The following APTX variants were observed in gnomAD, a reference collection of about 807,000 sequenced individuals.
APTX encodes forkhead-associated domain histidine triad-like protein.
A neutral mutation model predicts 42.3 loss-of-function variants in APTX; 33 were observed. The observed-to-expected ratio is 0.78, with a 90% CI of 0.59 to 1.04. The LOEUF (loss-of-function observed/expected upper bound fraction) is 1.04, where lower values mean the gene tolerates loss of function less well. Ranked by LOEUF, APTX falls within the 50% of genes least tolerant of loss-of-function variation. APTX has a pLI of 0.00. For synonymous variants in APTX, 130 were observed against 146.7 expected, an observed-to-expected ratio of 0.89 and a Z score of 0.82; for missense variants, 421 against 415.1, an observed-to-expected ratio of 1.01 and a Z score of -0.12.
chr9:33,009,972 C>T (rs1323429820), intron 1 of APTX, among the ~76,000 whole-genome samples: 3 of 152,166 alleles, frequency 2.0e-5, no homozygotes, highest in African/African-American at 7.2e-5. Flanking sequence ...ACTCTCTCCT[C>T]GCCTATTTGC....
rs1438391680 is a variant in APTX at position 33,001,574 on chromosome 9, A to G, written c.-12T>C. The G allele has an allele frequency of 1.9e-6, 3 of 1,613,864 alleles. No individual in the cohort carries two copies. The highest frequency in any genetic ancestry group is 2.2e-5 in the East Asian group (1 of 44,894). Reference sequence around the variant, plus strand: ...GGCTGACGACCGCCTTACCTCCAGAAGTCGGAGACGGACAAATTCACGTTA... The same window carrying G: ...GGCTGACGACCGCCTTACCTCCAGAGGTCGGAGACGGACAAATTCACGTTA... On this transcript the variant is annotated 5_prime_UTR_variant, in exon 1 of 8. Transcript: ENST00000379817.
intron 4 of APTX, 134 bp from the exon 5 acceptor site, chr9:32,986,164 T>G (rs1832072376): frequency 6.8e-6 from 6 of 879,786 alleles, no homozygotes; most frequent in Non-Finnish European, 9.5e-6. Flanking sequence ...GCTTAGTTTT[T>G]GAGAATTAAA....
Position 32,986,038 on chromosome 9 carries a change from A to G in APTX, c.484-8T>C, listed in dbSNP as rs1831948601. The stretch of plus-strand genomic sequence containing the variant: ...CCAGTGGCCCAGGGATTCCTAAAAA[A>G]AAAACAAAAAAAAAAACAAAAAAAA... On this transcript the variant is annotated splice_polypyrimidine_tract_variant and splice_region_variant and intron_variant, in intron 4 of 7. Transcript: ENST00000379817. 4.6e-6 allele frequency: 3 copies of G among 656,278 alleles called. No homozygotes were observed. The East Asian group carries it at 9.5e-5, about 21-fold the overall frequency. 40.7% of individuals were successfully genotyped at this position (656,278 alleles called of 1,614,324 possible).
chr9:32,983,817 G>A (rs1404067095), intron 6 of APTX, among the ~76,000 whole-genome samples: 1 of 152,152 alleles, frequency 6.6e-6, no homozygotes, highest in Non-Finnish European at 1.5e-5. Flanking sequence ...AATTCACAGG[G>A]AAGGAAAGTA....
At chr9:33,024,487 T>C (rs1441685171) in intron 1 of APTX, among the ~76,000 whole-genome samples, 2 of 152,178 alleles carry the variant, frequency 1.3e-5, no homozygotes, top group Non-Finnish European at 2.9e-5. Flanking sequence ...GGTCAAATAA[T>C]TAAACAAATT....
chr9:33,012,607 A>G (rs1837618046), intron 1 of APTX, among the ~76,000 whole-genome samples: 1 of 152,126 alleles, frequency 6.6e-6, no homozygotes, highest in Non-Finnish European at 1.5e-5. Context: ...GTCCCAGCAG[A>G]GCTCCCAGCC....
rs182859915 is a variant in APTX at position 33,012,634 on chromosome 9, T to C, written c.-5+12389A>G. Among the ~76,000 whole-genome samples, 46 of 152,320 alleles carry C rather than the reference T, an allele frequency of 3.0e-4. No homozygotes were observed. The East Asian group carries it at 7.5e-3, about 25-fold the overall frequency. ...CTCCCAGCCAGTAACAGCCAGTATA[T>C]GAGTGACCCAGCTTGGAAGTGGGTC... On this transcript the variant is annotated intron_variant, in intron 1 of 6. Transcript: ENST00000436040.
At chr9:33,009,544 C>T (rs1043998768) in intron 1 of APTX, among the ~76,000 whole-genome samples, 1 of 152,018 alleles carries the variant, frequency 6.6e-6, no homozygotes, top group African/African-American at 2.4e-5. Context: ...TTTAGGAGGC[C>T]GAGGCAGGAA....
At chr9:32,996,223 G>A (rs1347269099) in intron 1 of APTX, among the ~76,000 whole-genome samples, 2 of 151,366 alleles carry the variant, frequency 1.3e-5, no homozygotes, top group Non-Finnish European at 2.9e-5. Flanking sequence ...AGGTATGCCT[G>A]TATGTATACC....
chr9:33,003,379 A>C (rs1836861844), upstream of APTX, among the ~76,000 whole-genome samples: 1 of 152,152 alleles, frequency 6.6e-6, no homozygotes, highest in African/African-American at 2.4e-5. Flanking sequence ...GAACTTTTTC[A>C]TCTTGAAAAA....
intron 2 of APTX, among the ~76,000 whole-genome samples, chr9:32,989,147 T>C (rs1047023366): frequency 6.6e-6 from 1 of 152,202 alleles, no homozygotes; most frequent in African/African-American, 2.4e-5. Context: ...TCCCTCCACT[T>C]AGATTAACTC....
upstream of APTX, among the ~76,000 whole-genome samples, chr9:33,004,543 T>C (rs1836983771): frequency 6.6e-6 from 1 of 152,152 alleles, no homozygotes; most frequent in African/African-American, 2.4e-5. Flanking sequence ...TGAGGAACTG[T>C]CACACTGTTT....
chr9:32,989,944 G>C, intron 1 of APTX, 49 bp from the exon 2 acceptor site: 1 of 1,582,320 alleles, frequency 6.3e-7, no homozygotes. Context: ...CCACTAGCAC[G>C]AGTCCTCCAG....
At chr9:33,012,480 T>C (rs1366103753) in intron 1 of APTX, among the ~76,000 whole-genome samples, 2 of 152,160 alleles carry the variant, frequency 1.3e-5, no homozygotes, top group Non-Finnish European at 2.9e-5. Flanking sequence ...CCAAGTACAA[T>C]ACAAGCAGAA....
chr9:32,982,898 A>C (rs1163659571), intron 6 of APTX, among the ~76,000 whole-genome samples: 1 of 152,140 alleles, frequency 6.6e-6, no homozygotes, highest in African/African-American at 2.4e-5. Flanking sequence ...TACAACATAC[A>C]TCCACCCTAT....
chr9:33,002,521 A>G (rs1587617864), upstream of APTX, among the ~76,000 whole-genome samples: 1 of 152,264 alleles, frequency 6.6e-6, no homozygotes, highest in South Asian at 2.1e-4. Context: ...CTCCAGCAAG[A>G]ATCCTGTTAG....
chr9:32,986,855 C>T (rs1363086225), intron 4 of APTX, among the ~76,000 whole-genome samples: 2 of 151,982 alleles, frequency 1.3e-5, no homozygotes, highest in African/African-American at 4.8e-5. Flanking sequence ...GTCGCCCAGG[C>T]TGGAGTGCAG....
In APTX at chr9:33,019,984, G is replaced by A. The variant is rs537620763; in HGVS notation, c.-5+5039C>T. ...GCATTCCTGGCCCTTGGCCACAGACGCTGCGTTTCTGCTAGGACCTGACAC... is the reference window on the plus strand; with the variant it reads ...GCATTCCTGGCCCTTGGCCACAGACACTGCGTTTCTGCTAGGACCTGACAC... On this transcript the variant is annotated intron_variant, in intron 1 of 6. Coordinates refer to the APTX transcript ENST00000436040. 8.2e-5 allele frequency: 34 copies of A among 416,602 alleles called. No individual in the cohort carries two copies. The South Asian group carries it at 1.4e-3, about 17-fold the overall frequency. The allele number at this position is 416,602 out of a possible 1,614,324, so 25.8% of individuals were successfully genotyped here. A position where few individuals can be genotyped will look rare whatever the true frequency, so the allele number is the denominator to read the frequency against.
intron 1 of APTX, 52 bp downstream of exon 1, chr9:33,001,515 C>T (rs781753433): frequency 9.9e-6 from 16 of 1,612,446 alleles, no homozygotes; most frequent in African/African-American, 1.3e-5. Flanking sequence ...CGAACGCTCA[C>T]CCGCGGCATT....
Sources: gnomAD v4.1 joint callset for allele counts (sites outside exome capture counted in the v4.1 genomes callset) on GRCh38, gnomAD v4.1.1 for gene constraint, MANE v1.5 for transcripts, NCBI Gene and HGNC (gene_info 2026-07-23, HGNC 2026-07-21) for gene names.